The following TRABD2B variants were observed in gnomAD, a reference collection of about 807,000 sequenced individuals.
The protein encoded by TRABD2B is metalloprotease TIKI2.
A neutral mutation model predicts 40.1 loss-of-function variants in TRABD2B; 14 were observed. That is an observed-to-expected ratio of 0.35 (90% CI 0.23 to 0.55). The LOEUF is 0.55. Among genes scored for constraint, TRABD2B ranks in the 20% least tolerant of loss-of-function variants. The pLI, the probability that TRABD2B is intolerant of heterozygous loss-of-function variation, is 0.90. For missense variants in TRABD2B, 541 were observed against 648.6 expected (o/e 0.83, Z 1.80); for synonymous variants, 263 against 277.0 (o/e 0.95, Z 0.50).
Position 47,762,351 on chromosome 1 carries a change from C to T in TRABD2B, c.*3551G>A, listed in dbSNP as rs1275140948. 6.6e-6 allele frequency: 1 copy of T among 152,220 alleles called. No homozygotes were observed. Among genetic ancestry groups the T allele is most frequent in the African/African-American group, 2.4e-5 (1 of 41,442 alleles). The allele number at this position is 152,220 out of a possible 1,614,324, so 9.4% of individuals were successfully genotyped here. A position where few individuals can be genotyped will look rare whatever the true frequency, so the allele number is the denominator to read the frequency against. On this transcript the variant is annotated 3_prime_UTR_variant, in exon 7 of 7. Transcript: ENST00000606738. ...CAGTCACTGAAAAACTATCACCAGC[C>T]CCAATTCTGCTGTCTGCCACACAGG...
chr1:47,955,868 G>A (rs1428253402), intron 2 of TRABD2B, among the ~76,000 whole-genome samples: 2 of 152,160 alleles, frequency 1.3e-5, no homozygotes, highest in African/African-American at 4.8e-5. Context: ...CAGATAGTCT[G>A]GCTACCACAG....
rs142640555 is a variant in TRABD2B at position 47,980,559 on chromosome 1, G to A, written c.666+13475C>T. Among the ~76,000 whole-genome samples the A allele has an allele frequency of 3.1e-3, 478 of 152,290 alleles. 3 individuals carry two copies. The highest frequency in any genetic ancestry group is 0.011 in the African/African-American group (463 of 41,544). On this transcript the variant is annotated intron_variant, in intron 2 of 6. Transcript: ENST00000606738. ...GGAAGCGACATTCTGTCCAGCTACT[G>A]AGGCAAATTGAACAGAGATTCCTCT...
At chr1:47,907,635 T>A (rs1429857288) in intron 2 of TRABD2B, among the ~76,000 whole-genome samples, 1 of 152,148 alleles carries the variant, frequency 6.6e-6, no homozygotes, top group Non-Finnish European at 1.5e-5. Context: ...AGAAGCCAGT[T>A]GCCGGGTGCA....
At chr1:47,828,454 TG>T (rs1414279704) in intron 2 of TRABD2B, among the ~76,000 whole-genome samples, 1 of 152,196 alleles carries the variant, frequency 6.6e-6, no homozygotes, top group Admixed American at 6.5e-5. Flanking sequence ...AGAAAGTCAC[TG>T]GGATTTGACA....
intron 2 of TRABD2B, among the ~76,000 whole-genome samples, chr1:47,834,584 C>G (rs1645294461): frequency 6.6e-6 from 1 of 151,748 alleles, no homozygotes; most frequent in South Asian, 2.1e-4. Flanking sequence ...CACGCGCACA[C>G]ACACACACAC....
chr1:47,969,482 T>C (rs542432750), intron 2 of TRABD2B, among the ~76,000 whole-genome samples: 1 of 152,166 alleles, frequency 6.6e-6, no homozygotes, highest in Admixed American at 6.5e-5. Flanking sequence ...GCAGTTTGAG[T>C]AGACCTTTCA....
At chr1:47,987,845 G>T (rs773274415) in intron 2 of TRABD2B, among the ~76,000 whole-genome samples, 5 of 143,092 alleles carry the variant, frequency 3.5e-5, no homozygotes, top group Non-Finnish European at 7.4e-5. Flanking sequence ...CGAAGCACAA[G>T]GTGAAGGTCG....
At chr1:47,881,026 T>C (rs920472041) in intron 2 of TRABD2B, among the ~76,000 whole-genome samples, 1 of 152,216 alleles carries the variant, frequency 6.6e-6, no homozygotes, top group African/African-American at 2.4e-5. Context: ...TCTTGTCCTG[T>C]AGGCCATGGA....
intron 2 of TRABD2B, among the ~76,000 whole-genome samples, chr1:47,930,857 TTA>T (rs1645031385): frequency 6.6e-6 from 1 of 152,096 alleles, no homozygotes; most frequent in Admixed American, 6.5e-5. Context: ...CACCAGCAGC[TTA>T]TGAGACGAGC....
At chr1:47,899,036 T>A (rs1644562514) in intron 2 of TRABD2B, among the ~76,000 whole-genome samples, 1 of 152,232 alleles carries the variant, frequency 6.6e-6, no homozygotes, top group Admixed American at 6.5e-5. Context: ...ACATCCATAT[T>A]TTTCCTCAGC....
chr1:47,973,142 A>G (rs1645705075), intron 2 of TRABD2B, among the ~76,000 whole-genome samples: 1 of 152,242 alleles, frequency 6.6e-6, no homozygotes. Flanking sequence ...ATTTAGTGGC[A>G]GCTGGGATAG....
At chr1:47,874,045 C>A (rs1227567491) in intron 2 of TRABD2B, among the ~76,000 whole-genome samples, 2 of 152,046 alleles carry the variant, frequency 1.3e-5, no homozygotes, top group Non-Finnish European at 2.9e-5. Context: ...AAGAAGACTA[C>A]CTGTCTAGCA....
At chr1:47,915,540 GT>G (rs1644819781) in intron 2 of TRABD2B, among the ~76,000 whole-genome samples, 1 of 152,216 alleles carries the variant, frequency 6.6e-6, no homozygotes, top group Non-Finnish European at 1.5e-5. Flanking sequence ...GTAAAGTAAA[GT>G]TCCAAGAGGA....
intron 2 of TRABD2B, among the ~76,000 whole-genome samples, chr1:47,910,836 T>C (rs1644753461): frequency 2.0e-5 from 3 of 152,224 alleles, no homozygotes; most frequent in Admixed American, 2.0e-4. Context: ...TCTGGGCACA[T>C]GGCCACCCAG....
At chr1:47,954,260 G>A (rs1230752499) in intron 2 of TRABD2B, among the ~76,000 whole-genome samples, 1 of 152,130 alleles carries the variant, frequency 6.6e-6, no homozygotes, top group Non-Finnish European at 1.5e-5. Context: ...CACTCTGACT[G>A]CAGTCTCAAA....
At chr1:47,958,761 T>C (rs1294010301) in intron 2 of TRABD2B, among the ~76,000 whole-genome samples, 1 of 152,144 alleles carries the variant, frequency 6.6e-6, no homozygotes, top group Non-Finnish European at 1.5e-5. Flanking sequence ...ACAGTAATAA[T>C]GGGAGACTTT....
intron 2 of TRABD2B, among the ~76,000 whole-genome samples, chr1:47,889,093 C>T (rs964053648): frequency 6.6e-6 from 1 of 152,240 alleles, no homozygotes; most frequent in Non-Finnish European, 1.5e-5. Flanking sequence ...CGTCTCTCTT[C>T]TTCACCACTG....
chr1:47,979,535 T>TC (rs1283395508), intron 2 of TRABD2B, among the ~76,000 whole-genome samples: 1 of 152,166 alleles, frequency 6.6e-6, no homozygotes, highest in Non-Finnish European at 1.5e-5. Flanking sequence ...CTTGCTCTGG[T>TC]CATGCTGTGG....
At chr1:47,815,467 C>A (rs1027359587) in intron 2 of TRABD2B, among the ~76,000 whole-genome samples, 1 of 152,158 alleles carries the variant, frequency 6.6e-6, no homozygotes, top group East Asian at 1.9e-4. Flanking sequence ...AGAATCTTCT[C>A]AAGGAGCCTC....
Sources: allele counts gnomAD v4.1 joint callset (sites outside exome capture counted in the v4.1 genomes callset), GRCh38; gene constraint gnomAD v4.1.1; transcripts MANE v1.5; gene names NCBI Gene and HGNC (gene_info 2026-07-23, HGNC 2026-07-21).